Variants in POU6F2 observed in about 807,000 individuals in gnomAD.
The protein encoded by POU6F2 is POU class 6 homeobox 2, also known as POU domain, class 6, transcription factor 2.
In POU6F2, 31 loss-of-function variants were observed where a neutral mutation model predicts 71.3. That is an observed-to-expected ratio of 0.43 (90% confidence interval 0.33 to 0.59). POU6F2 has a LOEUF of 0.59. Ranked by LOEUF, POU6F2 falls within the 20% of genes least tolerant of loss-of-function variation. The pLI is 0.04. For synonymous variants in POU6F2, 347 were observed against 355.7 expected (o/e 0.98, Z 0.27); for missense variants, 783 against 856.8 (o/e 0.91, Z 1.07).
chr7:39,252,179 C>T (rs1362602716), intron 4 of POU6F2, among the ~76,000 whole-genome samples: 1 of 152,066 alleles, frequency 6.6e-6, no homozygotes, highest in East Asian at 1.9e-4. Context: ...CAGACAGGGT[C>T]TGTCCCTGCA....
At chr7:39,029,641 AAAAG>A (rs2128708804) in intron 1 of POU6F2, among the ~76,000 whole-genome samples, 1 of 132,442 alleles carries the variant, frequency 7.6e-6, no homozygotes, top group African/African-American at 2.6e-5. Flanking sequence ...TATACAAATA[AAAAG>A]AAAGAACAAT....
At chr7:39,257,926 T>G (rs1784057216) in intron 4 of POU6F2, among the ~76,000 whole-genome samples, 1 of 152,206 alleles carries the variant, frequency 6.6e-6, no homozygotes. Context: ...ATAACTTTTA[T>G]GCAGAGGGAA....
chr7:39,002,677 A>G (rs1788947718), intron 1 of POU6F2, among the ~76,000 whole-genome samples: 1 of 152,200 alleles, frequency 6.6e-6, no homozygotes, highest in African/African-American at 2.4e-5. Context: ...GGAGAAAAAT[A>G]ACATTTTAGA....
At chr7:39,206,200 C>T (rs147858818) in intron 3 of POU6F2, among the ~76,000 whole-genome samples, 190 of 152,308 alleles carry the variant, frequency 1.2e-3, no homozygotes, top group African/African-American at 4.2e-3. Context: ...TTATGTTCCA[C>T]ATGGCTCCCA....
At chr7:39,260,257 A>T (rs1171919519) in intron 4 of POU6F2, among the ~76,000 whole-genome samples, 2 of 146,196 alleles carry the variant, frequency 1.4e-5, no homozygotes, top group Non-Finnish European at 3.0e-5. Context: ...CCCGACACAC[A>T]CACTCCATAC....
At chr7:39,011,607 T>A (rs1242934917) in intron 1 of POU6F2, among the ~76,000 whole-genome samples, 4 of 148,714 alleles carry the variant, frequency 2.7e-5, no homozygotes, top group Non-Finnish European at 6.0e-5. Flanking sequence ...TGATGCAGTT[T>A]CTTCCTAGTC....
chr7:39,306,196 T>G (rs1785045307), intron 4 of POU6F2, among the ~76,000 whole-genome samples: 1 of 152,170 alleles, frequency 6.6e-6, no homozygotes, highest in Non-Finnish European at 1.5e-5. Context: ...GCCAATAAAT[T>G]AGCATTGTTG....
At chr7:39,417,105 A>G (rs983048132) in intron 6 of POU6F2, among the ~76,000 whole-genome samples, 3 of 152,244 alleles carry the variant, frequency 2.0e-5, no homozygotes, top group Non-Finnish European at 4.4e-5. Flanking sequence ...CTAGAACAAC[A>G]TCAGTTCCTT....
intron 1 of POU6F2, among the ~76,000 whole-genome samples, chr7:38,991,691 A>AT (rs1788607134): frequency 6.6e-6 from 1 of 151,980 alleles, no homozygotes; most frequent in Non-Finnish European, 1.5e-5. Flanking sequence ...CTTCCAGCCA[A>AT]TTTTTTTCAG....
chr7:39,328,811 TG>T, intron 4 of POU6F2, among the ~76,000 whole-genome samples: 1 of 152,322 alleles, frequency 6.6e-6, no homozygotes, highest in South Asian at 2.1e-4. Flanking sequence ...GTCTACACAG[TG>T]GGATATGCCT....
At chr7:39,343,091 TGA>T (rs1265185013) in intron 5 of POU6F2, among the ~76,000 whole-genome samples, 3 of 152,146 alleles carry the variant, frequency 2.0e-5, no homozygotes, top group Non-Finnish European at 4.4e-5. Context: ...CCAGGAGGCT[TGA>T]GGAGAGAAGT....
chr7:39,181,101 T>C (rs961299050), intron 2 of POU6F2, among the ~76,000 whole-genome samples: 1 of 152,222 alleles, frequency 6.6e-6, no homozygotes, highest in African/African-American at 2.4e-5. Context: ...AGCAAAACTT[T>C]GCTGTTCTCT....
rs1327234472 is a variant in POU6F2, at chr7:39,451,578, G to T, written c.1366G>T (p.Gly456Cys). Residue 456 changes from glycine (G) to cysteine (C), a missense_variant, in exon 8 of 10, where the codon GGC becomes TGC. This residue lies in a region of POU6F2 where 572 missense variants were observed against 572.9 expected (regional missense o/e 1.00). Transcript: ENST00000518318. ...GTCAGTGGGTCAAGCAGCCTCCCAA[G>T]GCAACCTTCTGCACCTGGCTCACAG... ...QTSVGQAASQGNLLHLAHSQA... is the reference protein window; with the variant it reads ...QTSVGQAASQCNLLHLAHSQA... 6.2e-7 allele frequency: 1 copy of T among 1,613,624 alleles called. No individual in the cohort carries two copies. Among genetic ancestry groups the T allele is most frequent in the Non-Finnish European group, 8.5e-7 (1 of 1,179,838 alleles).
intron 2 of POU6F2, among the ~76,000 whole-genome samples, chr7:39,095,016 A>G (rs1791427698): frequency 6.6e-6 from 1 of 152,230 alleles, no homozygotes; most frequent in African/African-American, 2.4e-5. Flanking sequence ...AAGGAGAAGC[A>G]TGCAAAAAAT....
intron 6 of POU6F2, among the ~76,000 whole-genome samples, chr7:39,418,428 G>T (rs184085168): frequency 2.6e-5 from 4 of 152,104 alleles, no homozygotes; most frequent in African/African-American, 9.7e-5. Context: ...GGTGGCTCAC[G>T]CCTGTAATCC....
chr7:39,378,692 A>G (rs1487661901), intron 5 of POU6F2, among the ~76,000 whole-genome samples: 2 of 152,234 alleles, frequency 1.3e-5, no homozygotes, highest in South Asian at 2.1e-4. Context: ...CCAAGGCTAC[A>G]TTGGTTATCA....
At chr7:39,215,981 A>T (rs1386986903) in intron 4 of POU6F2, among the ~76,000 whole-genome samples, 1 of 152,130 alleles carries the variant, frequency 6.6e-6, no homozygotes, top group African/African-American at 2.4e-5. Flanking sequence ...CCTGTCTGGG[A>T]TATGTTTTTT....
At chr7:39,382,956 T>C (rs751072319) in intron 5 of POU6F2, among the ~76,000 whole-genome samples, 13 of 152,152 alleles carry the variant, frequency 8.5e-5, no homozygotes, top group Non-Finnish European at 1.5e-4. Flanking sequence ...CAAAAAATTA[T>C]TGGTGTGGAA....
chr7:39,346,399 A>G (rs1786033645), intron 5 of POU6F2, among the ~76,000 whole-genome samples: 1 of 152,224 alleles, frequency 6.6e-6, no homozygotes, highest in South Asian at 2.1e-4. Flanking sequence ...AGGGTGCCAG[A>G]CTCAAAGGAG....
Sources: gnomAD v4.1 joint callset for allele counts (sites outside exome capture counted in the v4.1 genomes callset) on GRCh38, gnomAD v4.1.1 for gene constraint, gnomAD v4.1.1 regional missense constraint, MANE v1.5 for transcripts, NCBI Gene and HGNC (gene_info 2026-07-23, HGNC 2026-07-21) for gene names.